Variants in PUDP observed in about 807,000 individuals in gnomAD.
PUDP encodes pseudouridine 5'-phosphatase.
In PUDP, 8 loss-of-function variants were observed where a neutral mutation model predicts 9.4. That is an observed-to-expected ratio of 0.85 (90% CI 0.50 to 1.53). PUDP has a LOEUF of 1.53. Among genes scored for constraint, PUDP ranks in the 40% most tolerant of loss-of-function variants. PUDP has a pLI of 0.00. For missense variants in PUDP, 188 were observed against 189.7 expected (o/e 0.99, Z 0.05); for synonymous variants, 99 against 80.7 (o/e 1.23, Z -1.22).
intron 3 of PUDP, among the ~76,000 whole-genome samples, chrX:6,876,694 T>C (rs1220169768): frequency 1.8e-5 from 2 of 108,361 alleles, no homozygotes; most frequent in Non-Finnish European, 3.8e-5. Context: ...CATATGTACA[T>C]ATATGTGTCT....
rs757355062 is a variant in PUDP, at chrX:6,718,688, AC to A, written n.128+2728del. Reference sequence around the variant, plus strand: ...AGCAATGGCTACACTAAAAGTCCAGACTTCTCCATGGAATTTATCCATGTAA... The same window carrying A: ...AGCAATGGCTACACTAAAAGTCCAGATTCTCCATGGAATTTATCCATGTAA... On this transcript the variant is annotated intron_variant and non_coding_transcript_variant, in intron 1 of 2. Coordinates refer to the PUDP transcript ENST00000438499. 2.9e-3 allele frequency among the ~76,000 whole-genome samples: 321 copies of A among 111,703 alleles called. 1 individual carries two copies. The highest frequency in any genetic ancestry group is 9.9e-3 in the African/African-American group (305 of 30,693).
chrX:6,795,876 A>ATT (rs1925836289), intron 3 of PUDP, among the ~76,000 whole-genome samples: 1 of 112,097 alleles, frequency 8.9e-6, no homozygotes. Flanking sequence ...AAGCTGTGAT[A>ATT]TAATGATTCT....
At chrX:6,846,622 C>T (rs1246829542) in intron 3 of PUDP, among the ~76,000 whole-genome samples, 2 of 110,565 alleles carry the variant, frequency 1.8e-5, no homozygotes, top group East Asian at 2.8e-4. Context: ...TCAGTTTTGA[C>T]CTTAGCTTTG....
intron 3 of PUDP, among the ~76,000 whole-genome samples, chrX:6,930,083 T>C (rs1005001984): frequency 1.8e-5 from 2 of 111,178 alleles, no homozygotes. Context: ...GATAGGACTT[T>C]CCAGGGTCTT....
intron 3 of PUDP, among the ~76,000 whole-genome samples, chrX:6,937,302 G>C (rs1478633642): frequency 9.9e-6 from 1 of 101,289 alleles, no homozygotes; most frequent in East Asian, 3.2e-4. Flanking sequence ...CAATGGAACA[G>C]AACAGAGCCC....
At chrX:7,071,803 G>A (rs1290177598) in intron 3 of PUDP, among the ~76,000 whole-genome samples, 1 of 106,465 alleles carries the variant, frequency 9.4e-6, no homozygotes. Flanking sequence ...TTGAGACAGA[G>A]TCTTGCTCTG....
chrX:6,807,996 A>G (rs1356164703), intron 3 of PUDP, among the ~76,000 whole-genome samples: 2 of 112,007 alleles, frequency 1.8e-5, no homozygotes, highest in Non-Finnish European at 3.8e-5. Context: ...TCCATTTAGG[A>G]AAAGGAAGTC....
At chrX:6,975,717 G>A (rs998203439) in intron 3 of PUDP, among the ~76,000 whole-genome samples, 9 of 111,947 alleles carry the variant, frequency 8.0e-5, no homozygotes, top group Non-Finnish European at 1.5e-4. Context: ...GAGGCTGTCT[G>A]ACCCTTAACA....
At chrX:6,804,094 T>C (rs1419976131) in intron 3 of PUDP, among the ~76,000 whole-genome samples, 2 of 111,588 alleles carry the variant, frequency 1.8e-5, no homozygotes, top group Non-Finnish European at 3.8e-5. Context: ...TCTCAAAGGC[T>C]CCAAAATTAA....
chrX:6,845,105 G>A (rs1039789635), intron 3 of PUDP, among the ~76,000 whole-genome samples: 1 of 111,909 alleles, frequency 8.9e-6, no homozygotes, highest in Non-Finnish European at 1.9e-5. Flanking sequence ...CAGATACACC[G>A]AAATCAATGT....
chrX:7,019,260 G>A (rs920308250), intron 1 of PUDP, among the ~76,000 whole-genome samples: 5 of 111,811 alleles, frequency 4.5e-5, no homozygotes, highest in African/African-American at 1.3e-4. Context: ...GGTCTGGATC[G>A]GGACCCCTTT....
chrX:6,744,516 A>G (rs972619251), intron 3 of PUDP, among the ~76,000 whole-genome samples: 1 of 112,081 alleles, frequency 8.9e-6, no homozygotes, highest in African/African-American at 3.3e-5. Context: ...AACATTTCTT[A>G]TAATTCTGAT....
intron 1 of PUDP, among the ~76,000 whole-genome samples, chrX:7,116,105 A>G (rs955868123): frequency 2.7e-5 from 3 of 112,373 alleles, no homozygotes; most frequent in Non-Finnish European, 5.6e-5. Context: ...GCATAGCAAG[A>G]AAGTTGGACA....
intron 2 of PUDP, among the ~76,000 whole-genome samples, chrX:7,102,384 A>G (rs774990792): frequency 1.8e-5 from 2 of 108,457 alleles, no homozygotes; most frequent in East Asian, 2.9e-4. Context: ...AAGCTCCAAC[A>G]CCCTTTCACG....
rs1195395650 is a variant in PUDP, at chrX:7,050,186, T to C, written c.*110A>G. 1 of 759,151 alleles carries C rather than the reference T, an allele frequency of 1.3e-6. No individual in the cohort carries two copies. Among genetic ancestry groups the C allele is most frequent in the East Asian group, 3.6e-5 (1 of 28,015 alleles). The allele number at this position is 759,151 out of a possible 1,213,427, so 62.6% of individuals were successfully genotyped here. On this transcript the variant is annotated 3_prime_UTR_variant, in exon 4 of 4. Coordinates refer to ENST00000381077, the MANE Select transcript of PUDP (RefSeq NM_012080.5). ...GATGGAAACTCCAATCTCAGGAGGC[T>C]AAAATCACAGCGCAGGTTGGGATTG...
At chrX:7,127,180 G>T (rs1223713955) in intron 1 of PUDP, among the ~76,000 whole-genome samples, 1 of 111,966 alleles carries the variant, frequency 8.9e-6, no homozygotes, top group Non-Finnish European at 1.9e-5. Context: ...ACTGAAGGAT[G>T]AGGAGTCAGA....
intron 1 of PUDP, among the ~76,000 whole-genome samples, chrX:7,131,624 C>A (rs1216336413): frequency 2.7e-5 from 3 of 109,353 alleles, no homozygotes; most frequent in Non-Finnish European, 5.7e-5. Flanking sequence ...TGTTTTAGGC[C>A]CCCCAGTTTG....
intron 3 of PUDP, among the ~76,000 whole-genome samples, chrX:6,958,033 C>A (rs1928653485): frequency 8.9e-6 from 1 of 111,925 alleles, no homozygotes. Context: ...CTCAGCAAGG[C>A]CATTTTTACT....
chrX:7,043,877 G>C (rs1045442393), intron 1 of PUDP, among the ~76,000 whole-genome samples: 3 of 111,778 alleles, frequency 2.7e-5, no homozygotes, highest in Non-Finnish European at 5.6e-5. Context: ...TCCTTGAGAG[G>C]CCTTAAAAAA....
Sources: gnomAD v4.1 joint callset for allele counts (sites outside exome capture counted in the v4.1 genomes callset) on GRCh38, gnomAD v4.1.1 for gene constraint, MANE v1.5 for transcripts, NCBI Gene and HGNC (gene_info 2026-07-23, HGNC 2026-07-21) for gene names.